The following MAGI1 variants were observed in gnomAD, a reference collection of about 807,000 sequenced individuals.
MAGI1 encodes membrane associated guanylate kinase, WW and PDZ domain containing 1.
MAGI1 carries 58 observed loss-of-function variants against 139.9 expected under a neutral mutation model. The ratio of observed to expected loss-of-function variants is 0.41; its 90% CI spans 0.34 to 0.52. The LOEUF (loss-of-function observed/expected upper bound fraction) is 0.52, where lower values mean the gene tolerates loss of function less well. Ranked by LOEUF, MAGI1 falls within the 20% of genes least tolerant of loss-of-function variation. The probability of loss-of-function intolerance (pLI) is 0.12; values close to 1 mark genes in which losing one functional copy is unlikely to be tolerated. For missense variants in MAGI1, 1,874 were observed against 1,901.6 expected (o/e 0.99, Z 0.27); for synonymous variants, 812 against 737.9 (o/e 1.10, Z -1.63).
Position 65,468,947 on chromosome 3 carries a change from CAATAAATAAATAAATA to C in MAGI1, c.959+1320_959+1335del, listed in dbSNP as rs141122582. Among the ~76,000 whole-genome samples the C allele has an allele frequency of 7.4e-5, 10 of 134,726 alleles. No individual in the cohort carries two copies. In the East Asian group the frequency reaches 9.0e-4, roughly 12 times the overall value. The allele number at this position is 134,726 out of a possible 152,430, so 88.4% of individuals were successfully genotyped here. ...TGAGGCCCCATCTCAGGAAGGGAAA[CAATAAATAAATAAATA>C]AATAAATAAATAAATAAATAAATAA... On this transcript the variant is annotated intron_variant, in intron 5 of 22. Coordinates refer to ENST00000402939, the MANE Select transcript of MAGI1 (RefSeq NM_001033057.2).
At chr3:65,844,389 G>A in intron 1 of MAGI1, 2 of 341,676 alleles carry the variant, frequency 5.9e-6, no homozygotes, top group South Asian at 2.5e-5. Context: ...AAGTTACTCA[G>A]AAGAAAAGGA....
intron 2 of MAGI1, among the ~76,000 whole-genome samples, chr3:65,557,275 C>A (rs1300891103): frequency 6.6e-6 from 1 of 152,192 alleles, no homozygotes; most frequent in Non-Finnish European, 1.5e-5. Flanking sequence ...CTCTGTCTTC[C>A]TCTTGGAGTA....
At position 65,470,272 on chromosome 3, in the gene MAGI1, G is replaced by C. The variant is rs374436373; in HGVS notation, c.959+11C>G. On this transcript the variant is annotated intron_variant, in intron 5 of 22. Coordinates refer to ENST00000402939, the MANE Select transcript of MAGI1 (RefSeq NM_001033057.2). ...GAGAGAGATTTAGGTAGAAATAATG[G>C]TATACTTTACTCTATAAAATAGACT... 1 of 1,557,166 alleles carries C rather than the reference G, an allele frequency of 6.4e-7. No individual in the cohort carries two copies. Among genetic ancestry groups the C allele is most frequent in the Non-Finnish European group, 8.9e-7 (1 of 1,129,448 alleles).
In MAGI1 at chr3:65,522,650, C is replaced by T. The variant is rs17073045; in HGVS notation, c.431-29019G>A. On this transcript the variant is annotated intron_variant, in intron 2 of 22. Transcript: ENST00000402939. ...AAGCTTTTGAAAGTTTCTTTATGAC[C>T]TCCTCATCGTTTCTTCCCCAGTCAT... Among the ~76,000 whole-genome samples the T allele has an allele frequency of 8.9e-3, 1,348 of 152,244 alleles. 20 individuals carry two copies. The highest frequency in any genetic ancestry group is 0.03 in the African/African-American group (1,250 of 41,534).
intron 1 of MAGI1, among the ~76,000 whole-genome samples, chr3:65,887,411 G>A (rs151209730): frequency 3.4e-5 from 5 of 148,348 alleles, no homozygotes; most frequent in Non-Finnish European, 7.4e-5. Context: ...AAAAAGGGCA[G>A]GGGCAAGAGG....
intron 1 of MAGI1, among the ~76,000 whole-genome samples, chr3:65,919,093 A>T (rs746861689): frequency 5.9e-5 from 9 of 152,248 alleles, no homozygotes; most frequent in Non-Finnish European, 8.8e-5. Flanking sequence ...ACTGAAGACT[A>T]TCAGTTTTCA....
At chr3:65,598,912 A>G (rs1348012682) in intron 2 of MAGI1, among the ~76,000 whole-genome samples, 1 of 152,186 alleles carries the variant, frequency 6.6e-6, no homozygotes, top group Non-Finnish European at 1.5e-5. Flanking sequence ...AGTTTTCTCT[A>G]TTTTCAAATG....
intron 1 of MAGI1, among the ~76,000 whole-genome samples, chr3:65,916,788 CACACACACACACAT>C (rs2061929211): frequency 1.3e-5 from 2 of 151,980 alleles, no homozygotes; most frequent in South Asian, 2.1e-4. Context: ...CACACTAACA[CACACACACACACAT>C]ACACACACAC....
chr3:65,887,332 CA>C (rs1335721486), intron 1 of MAGI1, among the ~76,000 whole-genome samples: 6 of 134,952 alleles, frequency 4.4e-5, no homozygotes, highest in African/African-American at 8.3e-5. Context: ...TTTAGTAATA[CA>C]CAAAAACTAC....
chr3:65,703,577 G>C (rs1476743799), intron 1 of MAGI1, among the ~76,000 whole-genome samples: 1 of 152,146 alleles, frequency 6.6e-6, no homozygotes, highest in Non-Finnish European at 1.5e-5. Flanking sequence ...CTGCCTCTTG[G>C]ACACTGCTAC....
intron 2 of MAGI1, among the ~76,000 whole-genome samples, chr3:65,602,681 G>A (rs2082538839): frequency 6.6e-6 from 1 of 152,052 alleles, no homozygotes; most frequent in Non-Finnish European, 1.5e-5. Context: ...GGTCAATTAT[G>A]TAGTATGGGA....
chr3:65,938,327 AAT>A (rs2063157293), intron 1 of MAGI1, among the ~76,000 whole-genome samples: 1 of 148,198 alleles, frequency 6.7e-6, no homozygotes, highest in African/African-American at 2.4e-5. Context: ...TAAATAAATT[AAT>A]ATAAATATAT....
At chr3:65,626,207 G>A (rs960698339) in intron 1 of MAGI1, among the ~76,000 whole-genome samples, 6 of 152,120 alleles carry the variant, frequency 3.9e-5, no homozygotes, top group African/African-American at 1.4e-4. Flanking sequence ...ACATTCCAAA[G>A]GAGTTTTCAG....
intron 1 of MAGI1, among the ~76,000 whole-genome samples, chr3:65,672,082 T>C (rs2086896877): frequency 6.6e-6 from 1 of 152,132 alleles, no homozygotes; most frequent in Non-Finnish European, 1.5e-5. Context: ...GCTGCATTCC[T>C]GGGTGGAAAA....
At chr3:65,734,382 C>T (rs1466249861) in intron 1 of MAGI1, among the ~76,000 whole-genome samples, 2 of 151,456 alleles carry the variant, frequency 1.3e-5, no homozygotes, top group Non-Finnish European at 2.9e-5. Context: ...ATCTCTTGAG[C>T]CCAGGAGGTC....
intron 3 of MAGI1, among the ~76,000 whole-genome samples, chr3:65,489,614 T>A (rs1951860067): frequency 6.6e-6 from 1 of 152,154 alleles, no homozygotes; most frequent in African/African-American, 2.4e-5. Flanking sequence ...TGTAGAGATA[T>A]ATATATACTC....
chr3:65,378,659 A>ATTTCT (rs1942771984), intron 17 of MAGI1, among the ~76,000 whole-genome samples: 2 of 150,418 alleles, frequency 1.3e-5, no homozygotes, highest in Non-Finnish European at 3.0e-5. Flanking sequence ...TCCTATTCAA[A>ATTTCT]TTTCTTTTCT....
At chr3:65,470,620 T>C in intron 4 of MAGI1, 136 bp from the exon 5 acceptor site, 2 of 547,672 alleles carry the variant, frequency 3.7e-6, no homozygotes, top group Non-Finnish European at 6.4e-6. Flanking sequence ...CTTTCCTAAT[T>C]CCTGGCCATT....
chr3:65,431,107 A>G (rs1947421223), intron 10 of MAGI1, among the ~76,000 whole-genome samples: 1 of 152,176 alleles, frequency 6.6e-6, no homozygotes, highest in Non-Finnish European at 1.5e-5. Context: ...CCAGGGTCCA[A>G]AAGAAACTAC....
Sources: gnomAD v4.1 joint callset for allele counts (sites outside exome capture counted in the v4.1 genomes callset) on GRCh38, gnomAD v4.1.1 for gene constraint, MANE v1.5 for transcripts, NCBI Gene and HGNC (gene_info 2026-07-23, HGNC 2026-07-21) for gene names.